Variants in NFIB observed in about 807,000 individuals in gnomAD.
NFIB encodes the protein nuclear factor I B.
Under a neutral mutation model 61.5 loss-of-function variants are expected in NFIB, and 11 were observed. That is an observed-to-expected ratio of 0.18 (90% CI 0.11 to 0.30). The LOEUF is 0.30. Among genes scored for constraint, NFIB ranks in the 10% least tolerant of loss-of-function variants. NFIB has a pLI of 1.00. For missense variants in NFIB, 471 were observed against 608.9 expected (o/e 0.77, Z 2.38); for synonymous variants, 260 against 216.5 (o/e 1.20, Z -1.76).
intron 2 of NFIB, among the ~76,000 whole-genome samples, chr9:14,292,989 G>A (rs540143666): frequency 6.6e-6 from 1 of 152,154 alleles, no homozygotes; most frequent in East Asian, 1.9e-4. Context: ...AATCTAAATT[G>A]TATATTTTCA....
chr9:14,237,288 T>A (rs975895327), intron 2 of NFIB, among the ~76,000 whole-genome samples: 1 of 152,164 alleles, frequency 6.6e-6, no homozygotes, highest in Non-Finnish European at 1.5e-5. Context: ...ATTTCTTTCA[T>A]CTATCTCATC....
At chr9:14,145,357 G>A (rs933764403) in intron 6 of NFIB, among the ~76,000 whole-genome samples, 1 of 152,092 alleles carries the variant, frequency 6.6e-6, no homozygotes, top group South Asian at 2.1e-4. Context: ...ATCTCAAGGA[G>A]ATTTAGATGA....
chr9:14,403,581 T>G (rs1265259189), upstream of NFIB, among the ~76,000 whole-genome samples: 1 of 149,800 alleles, frequency 6.7e-6, no homozygotes, highest in Non-Finnish European at 1.5e-5. Flanking sequence ...TCATTGAACA[T>G]ATAACTTTTT....
chr9:14,448,383 A>C, the NFIB span, among the ~76,000 whole-genome samples: 2 of 152,226 alleles, frequency 1.3e-5, no homozygotes, highest in African/African-American at 4.8e-5. Context: ...AAATGATTGC[A>C]TCCAAAAAAA....
intron 1 of NFIB, among the ~76,000 whole-genome samples, chr9:14,365,071 G>A (rs1049555982): frequency 6.6e-6 from 1 of 152,156 alleles, no homozygotes; most frequent in African/African-American, 2.4e-5. Flanking sequence ...TCAGAGTAGT[G>A]AAGATTAAAT....
chr9:14,398,795 T>C (rs1297754455), exon 1 of NFIB: 1 of 556,906 alleles, frequency 1.8e-6, no homozygotes, highest in African/African-American at 1.9e-5. Flanking sequence ...TGGATCTTTA[T>C]GGAGCAGAGC....
chr9:14,089,818 T>A (rs1030941639), intron 10 of NFIB, among the ~76,000 whole-genome samples: 3 of 152,230 alleles, frequency 2.0e-5, no homozygotes, highest in East Asian at 1.9e-4. Context: ...CAATTCTGAA[T>A]TTTTTTTAAA....
chr9:14,332,175 A>T (rs2060829245), intron 1 of NFIB, among the ~76,000 whole-genome samples: 1 of 152,004 alleles, frequency 6.6e-6, no homozygotes, highest in Admixed American at 6.6e-5. Context: ...TCTACTAAAA[A>T]TACAAAAACT....
intron 2 of NFIB, among the ~76,000 whole-genome samples, chr9:14,304,270 A>C (rs1360102069): frequency 1.3e-5 from 2 of 152,236 alleles, no homozygotes; most frequent in African/African-American, 4.8e-5. Context: ...AAAGAGAAAG[A>C]GGGAAAAAAG....
At chr9:14,116,658 T>C (rs2038191786) in intron 8 of NFIB, among the ~76,000 whole-genome samples, 1 of 152,252 alleles carries the variant, frequency 6.6e-6, no homozygotes, top group Non-Finnish European at 1.5e-5. Flanking sequence ...CAGACTTAAA[T>C]GCTTAGCCCA....
the NFIB span, among the ~76,000 whole-genome samples, chr9:14,497,696 C>T: frequency 4.5e-4 from 68 of 152,324 alleles, no homozygotes; most frequent in African/African-American, 1.5e-3. Flanking sequence ...TGTACACGTG[C>T]TTTATCCCTG....
chr9:14,271,782 C>CTA (rs1265819015), intron 2 of NFIB, among the ~76,000 whole-genome samples: 4 of 152,252 alleles, frequency 2.6e-5, no homozygotes, highest in Middle Eastern at 3.4e-3. Flanking sequence ...AACTAAAACT[C>CTA]TATACAAAGC....
the NFIB span, among the ~76,000 whole-genome samples, chr9:14,510,392 G>C: frequency 2.0e-5 from 3 of 152,160 alleles, no homozygotes; most frequent in Non-Finnish European, 4.4e-5. Context: ...CCCCACACTA[G>C]AATAGACTCA....
chr9:14,122,743 C>A (rs2119182031), intron 7 of NFIB, among the ~76,000 whole-genome samples: 1 of 152,236 alleles, frequency 6.6e-6, no homozygotes, highest in East Asian at 1.9e-4. Context: ...GGTCCTTTAG[C>A]TTTTGAGATT....
At chr9:14,410,285 A>G in the NFIB span, among the ~76,000 whole-genome samples, 1 of 151,748 alleles carries the variant, frequency 6.6e-6, no homozygotes, top group Non-Finnish European at 1.5e-5. Context: ...CAATCTTTGC[A>G]TTTTACTTCA....
At chr9:14,281,054 T>G (rs1430364828) in intron 2 of NFIB, among the ~76,000 whole-genome samples, 1 of 152,170 alleles carries the variant, frequency 6.6e-6, no homozygotes, top group African/African-American at 2.4e-5. Flanking sequence ...TCTAGAAAAA[T>G]CATTTTTACC....
chr9:14,216,980 T>G (rs1330454542), intron 2 of NFIB, among the ~76,000 whole-genome samples: 1 of 152,202 alleles, frequency 6.6e-6, no homozygotes, highest in African/African-American at 2.4e-5. Context: ...GTAACAGCAT[T>G]AGTAAATGGT....
chr9:14,433,746 CACACA>C, the NFIB span, among the ~76,000 whole-genome samples: 1 of 152,224 alleles, frequency 6.6e-6, no homozygotes, highest in Non-Finnish European at 1.5e-5. Context: ...AAAAACCCCA[CACACA>C]ACACACTTGC....
At chr9:14,506,799 G>C in the NFIB span, among the ~76,000 whole-genome samples, 1 of 152,130 alleles carries the variant, frequency 6.6e-6, no homozygotes, top group African/African-American at 2.4e-5. Context: ...AAAGGGGAGA[G>C]CAGTTTTCTA....
Sources: gnomAD v4.1 joint callset for allele counts (sites outside exome capture counted in the v4.1 genomes callset) on GRCh38, gnomAD v4.1.1 for gene constraint, MANE v1.5 for transcripts, NCBI Gene and HGNC (gene_info 2026-07-23, HGNC 2026-07-21) for gene names.